Variants in PKNOX1 observed in about 807,000 individuals in gnomAD.
The protein encoded by PKNOX1 is homeobox protein PKNOX1.
PKNOX1 carries 15 observed loss-of-function variants against 51.9 expected under a neutral mutation model. That is an observed-to-expected ratio of 0.29 (90% CI 0.19 to 0.45). The LOEUF is 0.45. Among genes scored for constraint, PKNOX1 ranks in the 20% least tolerant of loss-of-function variants. The pLI is 1.00. For missense variants in PKNOX1, 462 were observed against 547.5 expected, an observed-to-expected ratio of 0.84 and a Z score of 1.56; for synonymous variants, 219 against 211.1, an observed-to-expected ratio of 1.04 and a Z score of -0.32.
intron 9 of PKNOX1, among the ~76,000 whole-genome samples, chr21:43,026,121 G>A (rs1979974415): frequency 6.6e-6 from 1 of 152,154 alleles, no homozygotes; most frequent in African/African-American, 2.4e-5. Flanking sequence ...GCTGAAGTGG[G>A]AGGGATGCGT....
rs918076990 is a variant in PKNOX1 at position 42,976,128 on chromosome 21, A to G, written c.-57+1464A>G. Among the ~76,000 whole-genome samples, 5 of 152,216 alleles carry G rather than the reference A, an allele frequency of 3.3e-5. No individual in the cohort carries two copies. The East Asian group carries it at 9.6e-4, about 29-fold the overall frequency. On this transcript the variant is annotated intron_variant, in intron 1 of 10. Transcript: ENST00000291547. Reference sequence around the variant, plus strand: ...GATAATTCGAGTTCTAATCCAGACCACCGCAGTAAAATAAGTATTGCAGTA... The same window carrying G: ...GATAATTCGAGTTCTAATCCAGACCGCCGCAGTAAAATAAGTATTGCAGTA...
rs186982289 is a variant in PKNOX1 at position 43,016,810 on chromosome 21, C to G, written c.523-98C>G. 339 of 714,970 alleles carry G rather than the reference C, an allele frequency of 4.7e-4. 1 individual carries two copies. The highest frequency in any genetic ancestry group is 7.6e-4 in the Middle Eastern group (3 of 3,964). 44.3% of individuals were successfully genotyped at this position (714,970 alleles called of 1,614,324 possible). A position where few individuals can be genotyped will look rare whatever the true frequency, so the allele number is the denominator to read the frequency against. On this transcript the variant is annotated intron_variant, in intron 5 of 10. Transcript: ENST00000291547. ...GTTCTTTCCCTCAAGCTTCTCTTTC[C>G]TTTTTTAATGGTGTCATTATGCTAC...
At chr21:43,020,851 C>T (rs757519478) in intron 7 of PKNOX1, among the ~76,000 whole-genome samples, 4 of 152,184 alleles carry the variant, frequency 2.6e-5, no homozygotes, top group Non-Finnish European at 4.4e-5. Flanking sequence ...GGGCTCTGAG[C>T]CTCCCTGCCT....
intron 1 of PKNOX1, among the ~76,000 whole-genome samples, chr21:42,993,009 A>G (rs544799404): frequency 6.6e-6 from 1 of 152,230 alleles, no homozygotes; most frequent in East Asian, 1.9e-4. Flanking sequence ...GCTTCCTGGT[A>G]GTCGGAGTGT....
chr21:42,975,594 C>A (rs2058991412), intron 1 of PKNOX1, among the ~76,000 whole-genome samples: 1 of 152,212 alleles, frequency 6.6e-6, no homozygotes, highest in Admixed American at 6.5e-5. Flanking sequence ...TCTCGAAATG[C>A]CTTATTTGGA....
At chr21:42,992,854 C>T (rs1377412782) in intron 1 of PKNOX1, among the ~76,000 whole-genome samples, 2 of 141,500 alleles carry the variant, frequency 1.4e-5, no homozygotes, top group Admixed American at 7.1e-5. Flanking sequence ...GTATCGGGGG[C>T]TCCCTAATAG....
chr21:42,979,210 TC>T (rs1265639093), intron 1 of PKNOX1, among the ~76,000 whole-genome samples: 1 of 152,234 alleles, frequency 6.6e-6, no homozygotes, highest in African/African-American at 2.4e-5. Context: ...GAATCACTGT[TC>T]CTGACCTGAA....
intron 2 of PKNOX1, 38 bp from the exon 3 acceptor site, chr21:43,007,453 T>G: frequency 6.2e-7 from 1 of 1,606,070 alleles, no homozygotes; most frequent in East Asian, 2.2e-5. Context: ...CGTAGTAGTT[T>G]GTGTTTGCTA....
rs1288903344 is a variant in PKNOX1 at position 43,022,101 on chromosome 21, G to A, written c.849+670G>A. Among the ~76,000 whole-genome samples, 4 of 152,170 alleles carry A rather than the reference G, an allele frequency of 2.6e-5. No homozygotes were observed. The East Asian group carries it at 5.8e-4, about 22-fold the overall frequency. On this transcript the variant is annotated intron_variant, in intron 8 of 10. Coordinates refer to ENST00000291547, the MANE Select transcript of PKNOX1 (RefSeq NM_004571.5). ...GCGGGGCTCTCCTGGGACAAGCACA[G>A]GGAGGCCAAGGCGGGAAGGCAGACG...
intron 7 of PKNOX1, among the ~76,000 whole-genome samples, chr21:43,020,709 G>T (rs1435506080): frequency 6.6e-6 from 1 of 152,188 alleles, no homozygotes; most frequent in East Asian, 1.9e-4. Context: ...TGGTGTCCCT[G>T]TTCATTCTCA....
At chr21:43,016,171 G>C (rs1340705563) in intron 5 of PKNOX1, among the ~76,000 whole-genome samples, 1 of 152,248 alleles carries the variant, frequency 6.6e-6, no homozygotes, top group African/African-American at 2.4e-5. Context: ...CAGGGCACAT[G>C]AGTGTGCCAG....
At chr21:42,996,127 A>G (rs1978493462) in intron 1 of PKNOX1, among the ~76,000 whole-genome samples, 1 of 152,052 alleles carries the variant, frequency 6.6e-6, no homozygotes, top group African/African-American at 2.4e-5. Flanking sequence ...AGGCAGGAGG[A>G]TCACTTGAGT....
At chr21:42,975,017 C>T (rs1280727167) in intron 1 of PKNOX1, among the ~76,000 whole-genome samples, 1 of 143,580 alleles carries the variant, frequency 7.0e-6, no homozygotes, top group East Asian at 2.0e-4. Context: ...TCCTAACCGT[C>T]CCTTTCGGAG....
chr21:42,978,709 C>T (rs572293096), intron 1 of PKNOX1, among the ~76,000 whole-genome samples: 1 of 152,188 alleles, frequency 6.6e-6, no homozygotes, highest in South Asian at 2.1e-4. Flanking sequence ...GTCTTGAACT[C>T]CTGACCTCAA....
intron 1 of PKNOX1, among the ~76,000 whole-genome samples, chr21:42,996,715 C>T (rs1036608446): frequency 5.3e-5 from 8 of 152,104 alleles, no homozygotes; most frequent in Non-Finnish European, 7.3e-5. Flanking sequence ...ATAAGTTAGC[C>T]ACCATGCTCA....
chr21:42,976,308 C>T (rs1289703040), intron 1 of PKNOX1, among the ~76,000 whole-genome samples: 1 of 152,214 alleles, frequency 6.6e-6, no homozygotes, highest in Non-Finnish European at 1.5e-5. Context: ...TAATGATCAT[C>T]TGAGCCTTTA....
At chr21:42,981,452 A>G (rs778257932) in intron 1 of PKNOX1, among the ~76,000 whole-genome samples, 20 of 152,382 alleles carry the variant, frequency 1.3e-4, no homozygotes, top group Non-Finnish European at 2.5e-4. Flanking sequence ...GTTGTCTGGC[A>G]TGTGGTATAA....
At chr21:43,009,771 G>T (rs1256595008) in intron 3 of PKNOX1, among the ~76,000 whole-genome samples, 1 of 152,148 alleles carries the variant, frequency 6.6e-6, no homozygotes, top group Non-Finnish European at 1.5e-5. Flanking sequence ...TATAGAGATA[G>T]CAAGTAGGTT....
At chr21:43,022,078 G>A (rs1335324517) in intron 8 of PKNOX1, among the ~76,000 whole-genome samples, 5 of 152,188 alleles carry the variant, frequency 3.3e-5, no homozygotes, top group African/African-American at 1.2e-4. Context: ...GAGAGCAGGC[G>A]GGGCTCTCCT....
Sources: gnomAD v4.1 joint callset for allele counts (sites outside exome capture counted in the v4.1 genomes callset) on GRCh38, gnomAD v4.1.1 for gene constraint, MANE v1.5 for transcripts, NCBI Gene and HGNC (gene_info 2026-07-23, HGNC 2026-07-21) for gene names.